F11R: variants seen among roughly 807,000 people sequenced by gnomAD.
F11R encodes F11 receptor, also known as junctional adhesion molecule A.
F11R carries 27 observed loss-of-function variants against 39.3 expected under a neutral mutation model. That is an observed-to-expected ratio of 0.69 (90% confidence interval 0.51 to 0.95). F11R has a LOEUF of 0.95. F11R is among the 40% of genes least tolerant of loss of function. The pLI is 0.00. For synonymous variants in F11R, 131 were observed against 144.9 expected, an observed-to-expected ratio of 0.90 and a Z score of 0.69; for missense variants, 335 against 372.7, an observed-to-expected ratio of 0.90 and a Z score of 0.83.
chr1:160,999,915 C>G lies in F11R; in HGVS notation c.655G>C (p.Gly219Arg), dbSNP rs780826713. The change falls in exon 6 of 10, where the codon GGG (glycine) becomes CGG (arginine). Residue 219 changes from glycine (G) to arginine (R), a missense_variant. Transcript: ENST00000368026. ...EYSCEARNGY[G>R]TPMTSNAVRM... The stretch of plus-strand genomic sequence containing the variant: ...ACAGCATTTGAAGTCATGGGTGTCC[C>G]ATACCCATTCCGTGCCTCACAGCTG... 1.7e-5 allele frequency: 27 copies of G among 1,614,098 alleles called. No homozygotes were observed. The Admixed American group carries it at 4.3e-4, about 26-fold the overall frequency.
intron 7 of F11R, 45 bp from the exon 8 acceptor site, chr1:160,999,453 A>G: frequency 6.2e-7 from 1 of 1,614,094 alleles, no homozygotes; most frequent in South Asian, 1.1e-5. Flanking sequence ...AGGACAGAAG[A>G]CAGCATGGCT....
chr1:160,999,803 G>A (rs1255721261), intron 6 of F11R, 56 bp from the exon 7 acceptor site: 3 of 1,605,348 alleles, frequency 1.9e-6, no homozygotes, highest in Non-Finnish European at 2.6e-6. Context: ...GGCACCTACA[G>A]TATCACCAAT....
chr1:160,998,934 C>T (rs1007412792), intron 9 of F11R, 28 bp from the exon 10 acceptor site: 2 of 1,613,934 alleles, frequency 1.2e-6, no homozygotes, highest in Non-Finnish European at 1.7e-6. Flanking sequence ...CCAGTCAACT[C>T]TCAATAGTCT....
At chr1:161,003,960 C>T (rs1384410149) in intron 1 of F11R, among the ~76,000 whole-genome samples, 2 of 151,862 alleles carry the variant, frequency 1.3e-5, no homozygotes, top group East Asian at 3.9e-4. Context: ...GATGGGGTTT[C>T]TCCATGTTGG....
chr1:161,010,171 C>T (rs1424300122), intron 1 of F11R, among the ~76,000 whole-genome samples: 3 of 151,940 alleles, frequency 2.0e-5, no homozygotes, highest in Non-Finnish European at 4.4e-5. Flanking sequence ...CCAGGCCAGG[C>T]ATAGTGGCTC....
chr1:160,998,710 C>T lies in F11R; in HGVS notation c.*161G>A. 1.5e-6 allele frequency: 1 copy of T among 667,748 alleles called. No homozygotes were observed. The highest frequency in any genetic ancestry group is 2.7e-6 in the Non-Finnish European group (1 of 375,726). The allele number at this position is 667,748 out of a possible 1,614,324, so 41.4% of individuals were successfully genotyped here. A position where few individuals can be genotyped will look rare whatever the true frequency, so the allele number is the denominator to read the frequency against. On this transcript the variant is annotated 3_prime_UTR_variant, in exon 10 of 10. Coordinates refer to ENST00000368026, the MANE Select transcript of F11R (RefSeq NM_016946.6). Reference sequence around the variant, plus strand: ...AGGGAGGGCATGAAGGAGGATGGGGCACATAGCTGACATTATTAAAAACAC... The same window carrying T: ...AGGGAGGGCATGAAGGAGGATGGGGTACATAGCTGACATTATTAAAAACAC...
At chr1:161,001,418 C>T in intron 1 of F11R, 65 bp from the exon 2 acceptor site, 1 of 1,428,228 alleles carries the variant, frequency 7.0e-7, no homozygotes, top group Non-Finnish European at 9.8e-7. Flanking sequence ...AAGAAGGAGT[C>T]ACAGACCCAG....
chr1:161,016,167 G>A (rs375677167), intron 1 of F11R, among the ~76,000 whole-genome samples: 34 of 152,030 alleles, frequency 2.2e-4, no homozygotes, highest in Non-Finnish European at 4.4e-4. Flanking sequence ...GTGAAAACCC[G>A]TCTCTACTAA....
intron 1 of F11R, among the ~76,000 whole-genome samples, chr1:161,017,042 C>T (rs1649501044): frequency 1.3e-5 from 2 of 152,164 alleles, no homozygotes; most frequent in Admixed American, 1.3e-4. Context: ...GCAAGATGTG[C>T]TTTGTTAAAC....
At chr1:161,006,722 G>A (rs1648838819) in intron 1 of F11R, among the ~76,000 whole-genome samples, 1 of 152,122 alleles carries the variant, frequency 6.6e-6, no homozygotes, top group Non-Finnish European at 1.5e-5. Flanking sequence ...TACTCCCAAG[G>A]TGTATTGTGA....
rs1404605071 is a variant in F11R, at chr1:161,004,632, CAA to C, written c.65-3281_65-3280del. On this transcript the variant is annotated intron_variant, in intron 1 of 9. Coordinates refer to ENST00000368026, the MANE Select transcript of F11R (RefSeq NM_016946.6). ...ACTGAGGCAAAAGGACTACTTAAGCCAAAGAGTGGGAGGTTACAGTGAGCTAC... is the reference window on the plus strand; with the variant it reads ...ACTGAGGCAAAAGGACTACTTAAGCCAGAGTGGGAGGTTACAGTGAGCTAC... Among the ~76,000 whole-genome samples, 4 of 152,032 alleles carry C rather than the reference CAA, an allele frequency of 2.6e-5. No homozygotes were observed. In the East Asian group the frequency reaches 7.7e-4, roughly 29 times the overall value.
intron 1 of F11R, among the ~76,000 whole-genome samples, chr1:161,019,245 G>C (rs1028048514): frequency 1.3e-5 from 2 of 152,010 alleles, no homozygotes; most frequent in Non-Finnish European, 2.9e-5. Context: ...AAGTAAAATA[G>C]GCAAGGGGTA....
chr1:161,016,136 G>A (rs1035776545), intron 1 of F11R, among the ~76,000 whole-genome samples: 1 of 151,900 alleles, frequency 6.6e-6, no homozygotes, highest in African/African-American at 2.4e-5. Flanking sequence ...TCAGGAGTTC[G>A]AGACCAGCCT....
At chr1:161,007,333 T>G (rs898578481) in intron 1 of F11R, among the ~76,000 whole-genome samples, 1 of 147,796 alleles carries the variant, frequency 6.8e-6, no homozygotes, top group Non-Finnish European at 1.5e-5. Context: ...GGCGTGGTGG[T>G]GCATGCCTGT....
At chr1:161,018,721 T>C (rs1374568742) in intron 1 of F11R, among the ~76,000 whole-genome samples, 1 of 152,172 alleles carries the variant, frequency 6.6e-6, no homozygotes, top group Non-Finnish European at 1.5e-5. Flanking sequence ...CATCCTCATT[T>C]GCACTAACCA....
intron 1 of F11R, among the ~76,000 whole-genome samples, chr1:161,011,095 C>G (rs551343661): frequency 9.9e-5 from 15 of 151,682 alleles, no homozygotes; most frequent in African/African-American, 3.6e-4. Flanking sequence ...TGCAGTGGCG[C>G]GATTGTGGCT....
At chr1:161,010,608 T>C (rs1436611943) in intron 1 of F11R, among the ~76,000 whole-genome samples, 4 of 152,168 alleles carry the variant, frequency 2.6e-5, no homozygotes, top group Non-Finnish European at 5.9e-5. Context: ...CAAATGTCTA[T>C]TGATCTCTTA....
At chr1:161,020,724 G>C (rs1649711759) in intron 1 of F11R, among the ~76,000 whole-genome samples, 1 of 152,228 alleles carries the variant, frequency 6.6e-6, no homozygotes, top group Non-Finnish European at 1.5e-5. Flanking sequence ...GCCCTCTCCA[G>C]TGAGGACGAG....
chr1:161,018,576 G>C (rs150590917), intron 1 of F11R, among the ~76,000 whole-genome samples: 7 of 152,298 alleles, frequency 4.6e-5, no homozygotes, highest in Non-Finnish European at 8.8e-5. Flanking sequence ...TATGCTGGTT[G>C]ATCCTCCTGA....
Sources: gnomAD v4.1 joint callset for allele counts (sites outside exome capture counted in the v4.1 genomes callset) on GRCh38, gnomAD v4.1.1 for gene constraint, MANE v1.5 for transcripts, NCBI Gene and HGNC (gene_info 2026-07-23, HGNC 2026-07-21) for gene names.